CEP112: variants seen among roughly 807,000 people sequenced by gnomAD.
The protein encoded by CEP112 is centrosomal protein 112.
A neutral mutation model predicts 153.0 loss-of-function variants in CEP112; 127 were observed. The ratio of observed to expected loss-of-function variants is 0.83; its 90% CI spans 0.72 to 0.96. The LOEUF (loss-of-function observed/expected upper bound fraction) is 0.96, where lower values mean the gene tolerates loss of function less well. CEP112 is among the 40% of genes least tolerant of loss of function. CEP112 has a pLI of 0.00. For synonymous variants in CEP112, 358 were observed against 374.4 expected, an observed-to-expected ratio of 0.96 and a Z score of 0.51; for missense variants, 1,089 against 1,101.2, an observed-to-expected ratio of 0.99 and a Z score of 0.16.
chr17:66,076,206 C>A (rs995464044), intron 8 of CEP112, among the ~76,000 whole-genome samples: 1 of 151,682 alleles, frequency 6.6e-6, no homozygotes. Flanking sequence ...AGGCTCTGGG[C>A]CAGAACTCAG....
chr17:65,694,149 C>T (rs371005586), intron 23 of CEP112, among the ~76,000 whole-genome samples: 6 of 152,220 alleles, frequency 3.9e-5, no homozygotes, highest in Non-Finnish European at 5.9e-5. Flanking sequence ...GGTGCAAATG[C>T]GGAAACTTCC....
intron 20 of CEP112, among the ~76,000 whole-genome samples, chr17:65,885,136 T>C (rs774574729): frequency 6.6e-6 from 1 of 152,230 alleles, no homozygotes; most frequent in Non-Finnish European, 1.5e-5. Context: ...ACGATTTTTA[T>C]ATTCTGAGAA....
intron 17 of CEP112, among the ~76,000 whole-genome samples, chr17:65,994,683 G>A (rs2063718600): frequency 6.6e-6 from 1 of 152,134 alleles, no homozygotes; most frequent in African/African-American, 2.4e-5. Context: ...AATAGTTCTA[G>A]GAGAATAGGA....
chr17:65,675,984 T>C (rs1321996480), intron 24 of CEP112, among the ~76,000 whole-genome samples: 1 of 152,182 alleles, frequency 6.6e-6, no homozygotes, highest in Admixed American at 6.5e-5. Context: ...AGGCAGTCTA[T>C]ACAAAATCAA....
At chr17:66,053,943 C>A in intron 11 of CEP112, 64 bp from the exon 12 acceptor site, 4 of 1,412,196 alleles carry the variant, frequency 2.8e-6, no homozygotes, top group Non-Finnish European at 2.9e-6. Flanking sequence ...TGTAATTCAG[C>A]GGAAAAAATG....
At position 66,063,217 on chromosome 17, in the gene CEP112, T is replaced by C. The variant is rs895444470; in HGVS notation, c.956-136A>G. ...TCAATGCTTTCTTCTAAAATATCTT[T>C]TATTCCTTGCTCTTTTTCTCGATTT... On this transcript the variant is annotated intron_variant, in intron 10 of 26. Transcript: ENST00000535342. 9.0e-6 allele frequency: 4 copies of C among 445,116 alleles called. No individual in the cohort carries two copies. The Admixed American group carries it at 1.7e-4, about 19-fold the overall frequency. The allele number at this position is 445,116 out of a possible 1,614,324, so 27.6% of individuals were successfully genotyped here.
intron 24 of CEP112, 26 bp downstream of exon 24, chr17:65,689,103 G>C (rs752710223): frequency 1.3e-6 from 2 of 1,501,782 alleles, no homozygotes; most frequent in Non-Finnish European, 1.9e-6. Context: ...GTAAACAAGA[G>C]AGTCAAATAG....
At chr17:65,825,921 A>G (rs1193458776) in intron 21 of CEP112, among the ~76,000 whole-genome samples, 1 of 152,120 alleles carries the variant, frequency 6.6e-6, no homozygotes, top group Non-Finnish European at 1.5e-5. Context: ...CCCAGATGTC[A>G]GACACCTCCC....
chr17:65,717,654 C>T (rs1415168004), intron 23 of CEP112, among the ~76,000 whole-genome samples: 1 of 152,314 alleles, frequency 6.6e-6, no homozygotes, highest in Non-Finnish European at 1.5e-5. Context: ...ATACAAAGCA[C>T]TGCTTTGCAA....
chr17:65,662,082 C>T (rs2046418035), intron 24 of CEP112, among the ~76,000 whole-genome samples: 1 of 152,130 alleles, frequency 6.6e-6, no homozygotes, highest in African/African-American at 2.4e-5. Flanking sequence ...GATCCTCCCA[C>T]CTCGGCCTCC....
chr17:66,046,513 A>G (rs1346220938), intron 12 of CEP112, among the ~76,000 whole-genome samples: 3 of 152,178 alleles, frequency 2.0e-5, no homozygotes, highest in Non-Finnish European at 2.9e-5. Context: ...CTTAAATCCA[A>G]TGGTTTAATT....
In CEP112 at chr17:66,187,161, G is replaced by A. The variant is rs150802021; in HGVS notation, c.-8-3854C>T. On this transcript the variant is annotated intron_variant, in intron 1 of 26. Coordinates refer to ENST00000535342, the MANE Select transcript of CEP112 (RefSeq NM_001199165.4). ...TGCCCACCACTTAACTTGAACTACT[G>A]TGGCAGCCTCATCATCTGTCTCCCT... Among the ~76,000 whole-genome samples, 683 of 146,178 alleles carry A rather than the reference G, an allele frequency of 4.7e-3. 3 individuals carry two copies. Among genetic ancestry groups the A allele is most frequent in the Middle Eastern group, 0.022 (6 of 270 alleles).
chr17:66,081,273 G>T (rs950566063), intron 8 of CEP112, among the ~76,000 whole-genome samples: 4 of 152,098 alleles, frequency 2.6e-5, no homozygotes, highest in African/African-American at 7.2e-5. Context: ...CAAAGATGCA[G>T]GTATTAATGC....
intron 4 of CEP112, among the ~76,000 whole-genome samples, chr17:66,147,256 G>A (rs1270565220): frequency 6.6e-6 from 1 of 151,986 alleles, no homozygotes; most frequent in Non-Finnish European, 1.5e-5. Flanking sequence ...GGTTAGTGAT[G>A]TTGAGCAACT....
In CEP112 at chr17:65,988,751, A is replaced by G. The variant is rs558596197; in HGVS notation, c.1736+16939T>C. ...AGGAGAAAAAAGAAAAAAGAATGAG[A>G]AAAAAAGATCTCCTACAAGATACAG... is the stretch of plus-strand genomic sequence containing the variant. On this transcript the variant is annotated intron_variant, in intron 17 of 26. Coordinates refer to ENST00000535342, the MANE Select transcript of CEP112 (RefSeq NM_001199165.4). Among the ~76,000 whole-genome samples the G allele has an allele frequency of 2.0e-5, 3 of 152,166 alleles. No individual in the cohort carries two copies. The East Asian group carries it at 5.8e-4, about 29-fold the overall frequency.
At chr17:65,675,260 G>T (rs2144123035) in intron 24 of CEP112, among the ~76,000 whole-genome samples, 1 of 152,278 alleles carries the variant, frequency 6.6e-6, no homozygotes, top group Non-Finnish European at 1.5e-5. Flanking sequence ...ACTAAAAAAA[G>T]TATATCTATA....
intron 6 of CEP112, among the ~76,000 whole-genome samples, chr17:66,116,377 T>G (rs1200963530): frequency 2.0e-5 from 3 of 152,184 alleles, no homozygotes; most frequent in African/African-American, 4.8e-5. Context: ...TTCTAATGCT[T>G]TGGGGGAAAT....
At chr17:65,815,703 A>T (rs1227960504) in intron 21 of CEP112, among the ~76,000 whole-genome samples, 1 of 152,062 alleles carries the variant, frequency 6.6e-6, no homozygotes, top group African/African-American at 2.4e-5. Context: ...CAGCACACAG[A>T]TCTTGGATAT....
At position 65,835,288 on chromosome 17, in the gene CEP112, T is replaced by C. The variant is rs563634318; in HGVS notation, c.2394+16516A>G. ...AAGACAGAAAAAGGCCCACAAAGCA[T>C]ATTTTTAAAAAATGACTGAAAATTT... On this transcript the variant is annotated intron_variant, in intron 21 of 26. Coordinates refer to ENST00000535342, the MANE Select transcript of CEP112 (RefSeq NM_001199165.4). Among the ~76,000 whole-genome samples the C allele has an allele frequency of 2.7e-5, 4 of 150,758 alleles. No homozygotes were observed. The East Asian group carries it at 7.8e-4, about 29-fold the overall frequency.
Sources: allele counts gnomAD v4.1 joint callset (sites outside exome capture counted in the v4.1 genomes callset), GRCh38; gene constraint gnomAD v4.1.1; transcripts MANE v1.5; gene names NCBI Gene and HGNC (gene_info 2026-07-23, HGNC 2026-07-21).